MARCHF4: variants seen among roughly 807,000 people sequenced by gnomAD.
MARCHF4 encodes the protein membrane associated ring-CH-type finger 4.
MARCHF4 carries 14 observed loss-of-function variants against 43.9 expected under a neutral mutation model. The observed-to-expected ratio is 0.32, with a 90% CI of 0.21 to 0.50. The LOEUF is 0.50. Among genes scored for constraint, MARCHF4 ranks in the 20% least tolerant of loss-of-function variants. MARCHF4 has a pLI of 0.98. For synonymous variants in MARCHF4, 226 were observed against 213.3 expected (o/e 1.06, Z -0.52); for missense variants, 468 against 536.7 (o/e 0.87, Z 1.27).
At chr2:216,319,010 T>A (rs1363522279) in intron 1 of MARCHF4, among the ~76,000 whole-genome samples, 1 of 152,146 alleles carries the variant, frequency 6.6e-6, no homozygotes, top group Non-Finnish European at 1.5e-5. Flanking sequence ...TATATTTACC[T>A]TAAAACAAAT....
chr2:216,277,870 G>A lies in MARCHF4; in HGVS notation c.673-6C>T. The A allele has an allele frequency of 6.2e-7, 1 of 1,602,016 alleles. No individual in the cohort carries two copies. Among genetic ancestry groups the A allele is most frequent in the Middle Eastern group, 1.7e-4 (1 of 6,028 alleles). ...GTCAGAGAGATGGCCTGCCACTGCA[G>A]GGGAGAGAGTGGCCAGTTAGCAGTT... On this transcript the variant is annotated splice_region_variant and splice_polypyrimidine_tract_variant and intron_variant, in intron 2 of 3. Coordinates refer to ENST00000273067, the MANE Select transcript of MARCHF4 (RefSeq NM_020814.3).
chr2:216,262,202 T>C (rs1690752426), intron 3 of MARCHF4, among the ~76,000 whole-genome samples: 1 of 152,204 alleles, frequency 6.6e-6, no homozygotes, highest in Non-Finnish European at 1.5e-5. Context: ...AGTGTGAATT[T>C]ACAAGGGAGA....
At chr2:216,265,103 G>A (rs1690823528) in intron 3 of MARCHF4, among the ~76,000 whole-genome samples, 1 of 152,150 alleles carries the variant, frequency 6.6e-6, no homozygotes, top group Admixed American at 6.6e-5. Flanking sequence ...AAGTGGCAGT[G>A]GATAGAGAAA....
intron 1 of MARCHF4, among the ~76,000 whole-genome samples, chr2:216,354,015 A>C (rs1692443084): frequency 6.6e-6 from 1 of 152,140 alleles, no homozygotes; most frequent in African/African-American, 2.4e-5. Context: ...CCATTCAATC[A>C]ACCAAGATGG....
chr2:216,334,534 A>C (rs143188091), intron 1 of MARCHF4, among the ~76,000 whole-genome samples: 16 of 152,072 alleles, frequency 1.1e-4, no homozygotes, highest in Non-Finnish European at 1.8e-4. Flanking sequence ...CCATGTAGCT[A>C]AGACTACAGT....
intron 3 of MARCHF4, among the ~76,000 whole-genome samples, chr2:216,268,649 A>C (rs1690885039): frequency 6.6e-6 from 1 of 152,230 alleles, no homozygotes; most frequent in Non-Finnish European, 1.5e-5. Flanking sequence ...GTATCAGGGA[A>C]GTCCTTTATA....
intron 1 of MARCHF4, among the ~76,000 whole-genome samples, chr2:216,326,620 A>C (rs1156334596): frequency 1.3e-5 from 2 of 152,198 alleles, no homozygotes; most frequent in African/African-American, 4.8e-5. Context: ...ACCGTGGAAT[A>C]CTATGCAGCC....
chr2:216,347,822 T>C (rs1323038959), intron 1 of MARCHF4, among the ~76,000 whole-genome samples: 1 of 106,746 alleles, frequency 9.4e-6, no homozygotes, highest in Non-Finnish European at 1.8e-5. Context: ...AGGCACAGGG[T>C]TCTTTTTTTT....
At chr2:216,319,179 G>T (rs969842287) in intron 1 of MARCHF4, among the ~76,000 whole-genome samples, 3 of 151,962 alleles carry the variant, frequency 2.0e-5, no homozygotes, top group African/African-American at 7.3e-5. Flanking sequence ...GTGGTGGCGG[G>T]TGCCTGTAAT....
intron 1 of MARCHF4, among the ~76,000 whole-genome samples, chr2:216,296,699 A>G (rs1691401262): frequency 6.6e-6 from 1 of 152,242 alleles, no homozygotes; most frequent in Non-Finnish European, 1.5e-5. Context: ...CCCACTTTAT[A>G]AAGACATTGC....
rs961172918 is a variant in MARCHF4, at chr2:216,339,489, T to A, written c.516+30256A>T. Among the ~76,000 whole-genome samples the A allele has an allele frequency of 5.9e-5, 9 of 152,314 alleles. No individual in the cohort carries two copies. In the South Asian group the frequency reaches 1.9e-3, roughly 32 times the overall value. ...AGCAGGTGCTGAGCAGTTTCCACAT[T>A]TTTTAGTAAATATGTCAAAACACAA... is the stretch of plus-strand genomic sequence containing the variant. On this transcript the variant is annotated intron_variant, in intron 1 of 3. Coordinates refer to ENST00000273067, the MANE Select transcript of MARCHF4 (RefSeq NM_020814.3).
At chr2:216,311,116 CA>C (rs1215521074) in intron 1 of MARCHF4, among the ~76,000 whole-genome samples, 2 of 152,162 alleles carry the variant, frequency 1.3e-5, no homozygotes, top group African/African-American at 2.4e-5. Flanking sequence ...ACATAATTTT[CA>C]AATAAACTTT....
intron 1 of MARCHF4, among the ~76,000 whole-genome samples, chr2:216,327,304 C>T (rs1197179195): frequency 6.6e-6 from 1 of 152,064 alleles, no homozygotes; most frequent in Non-Finnish European, 1.5e-5. Context: ...TTTCCAAATG[C>T]TGAATTATAT....
rs572831940 is a variant in MARCHF4, at chr2:216,372,303, G to A, written c.-2043C>T. On this transcript the variant is annotated 5_prime_UTR_variant, in exon 1 of 4. Coordinates refer to ENST00000273067, the MANE Select transcript of MARCHF4 (RefSeq NM_020814.3). ...AGGGAGGCTCTCGGCTATCTCCGCCGCCGGCGCCGCGGCCGCCGCTGCTGC... is the reference window on the plus strand; with the variant it reads ...AGGGAGGCTCTCGGCTATCTCCGCCACCGGCGCCGCGGCCGCCGCTGCTGC... Among the ~76,000 whole-genome samples, 196 of 152,230 alleles carry A rather than the reference G, an allele frequency of 1.3e-3. 1 individual carries two copies. The highest frequency in any genetic ancestry group is 4.4e-3 in the African/African-American group (184 of 41,538).
intron 1 of MARCHF4, among the ~76,000 whole-genome samples, chr2:216,332,953 G>T (rs1303302918): frequency 6.6e-6 from 1 of 152,184 alleles, no homozygotes; most frequent in Non-Finnish European, 1.5e-5. Context: ...TGTGTAAATT[G>T]CATATCCATA....
intron 1 of MARCHF4, among the ~76,000 whole-genome samples, chr2:216,299,422 C>T (rs76810738): frequency 0.049 from 7,465 of 152,168 alleles, 594 homozygotes; most frequent in African/African-American, 0.17. Context: ...GCTGAAAGGT[C>T]CCACATTTAA....
intron 1 of MARCHF4, among the ~76,000 whole-genome samples, chr2:216,326,538 A>T (rs1206368230): frequency 2.0e-5 from 3 of 151,750 alleles, no homozygotes; most frequent in Non-Finnish European, 2.9e-5. Context: ...ATTATTCACA[A>T]TAGCAAAGAC....
intron 1 of MARCHF4, among the ~76,000 whole-genome samples, chr2:216,317,877 T>C (rs1173824704): frequency 2.0e-5 from 3 of 152,238 alleles, no homozygotes; most frequent in Admixed American, 2.0e-4. Context: ...GGACAGTTTG[T>C]GCTGATGGAG....
chr2:216,263,811 A>T (rs1423358051), intron 3 of MARCHF4, among the ~76,000 whole-genome samples: 2 of 152,088 alleles, frequency 1.3e-5, no homozygotes, highest in African/African-American at 2.4e-5. Flanking sequence ...CACAGAGAGG[A>T]GGCTGCTAAT....
Sources: gnomAD v4.1 joint callset for allele counts (sites outside exome capture counted in the v4.1 genomes callset) on GRCh38, gnomAD v4.1.1 for gene constraint, MANE v1.5 for transcripts, NCBI Gene and HGNC (gene_info 2026-07-23, HGNC 2026-07-21) for gene names.